CABLES1: variants seen among roughly 807,000 people sequenced by gnomAD.
CABLES1 encodes Cdk5 and Abl enzyme substrate 1.
A neutral mutation model predicts 57.8 loss-of-function variants in CABLES1; 36 were observed. That is an observed-to-expected ratio of 0.62 (90% CI 0.48 to 0.82). CABLES1 has a LOEUF of 0.82. Ranked by LOEUF, CABLES1 falls within the 40% of genes least tolerant of loss-of-function variation. The pLI, the probability that CABLES1 is intolerant of heterozygous loss-of-function variation, is 0.00. For missense variants in CABLES1, 767 were observed against 836.6 expected, an observed-to-expected ratio of 0.92 and a Z score of 1.03; for synonymous variants, 374 against 363.0, an observed-to-expected ratio of 1.03 and a Z score of -0.35.
intron 1 of CABLES1, among the ~76,000 whole-genome samples, chr18:23,188,543 T>TTGTGTGTGTGTGTGTG (rs55888102): frequency 0.014 from 2,158 of 149,038 alleles, 55 homozygotes; most frequent in African/African-American, 0.046. Context: ...CACCTTGTCT[T>TTGTGTGTGTGTGTGTG]TGTGTGTGTG....
At chr18:23,220,965 GA>G (rs1301615769) in intron 4 of CABLES1, among the ~76,000 whole-genome samples, 1 of 152,218 alleles carries the variant, frequency 6.6e-6, no homozygotes, top group Non-Finnish European at 1.5e-5. Flanking sequence ...GCTCTCTGCA[GA>G]GGTGTGGGTG....
At chr18:23,237,008 C>T (rs946425366) in intron 6 of CABLES1, 134 bp from the exon 7 acceptor site, 2 of 655,960 alleles carry the variant, frequency 3.0e-6, no homozygotes, top group Non-Finnish European at 5.7e-6. Context: ...TCAGTGAGTG[C>T]CGTGACGTTG....
At chr18:23,162,240 G>C (rs1191809332) in intron 1 of CABLES1, among the ~76,000 whole-genome samples, 1 of 152,002 alleles carries the variant, frequency 6.6e-6, no homozygotes, top group East Asian at 1.9e-4. Context: ...AGGCATAAAG[G>C]CCTACAATTT....
rs796149753 is a variant in CABLES1 at position 23,253,591 on chromosome 18, C to T, written c.1554-138C>T. The T allele has an allele frequency of 7.0e-6, 5 of 710,856 alleles. No homozygotes were observed. The African/African-American group carries it at 8.9e-5, about 13-fold the overall frequency. The allele number at this position is 710,856 out of a possible 1,614,324, so 44.0% of individuals were successfully genotyped here. On this transcript the variant is annotated intron_variant, in intron 8 of 9. Transcript: ENST00000256925. ...CCCCATGCATAACGCAGCCTTCACA[C>T]TCCCAGGGACTTAATCCCAGTCCAG...
chr18:23,183,224 A>G (rs1351789002), intron 1 of CABLES1, among the ~76,000 whole-genome samples: 1 of 152,206 alleles, frequency 6.6e-6, no homozygotes, highest in East Asian at 1.9e-4. Flanking sequence ...TTGTCACTCC[A>G]GCCACAGGTT....
Position 23,257,417 on chromosome 18 carries a change from C to T in CABLES1, c.*50C>T. 1 of 1,530,570 alleles carries T rather than the reference C, an allele frequency of 6.5e-7. No individual in the cohort carries two copies. Among genetic ancestry groups the T allele is most frequent in the Non-Finnish European group, 8.8e-7 (1 of 1,142,362 alleles). 94.8% of individuals were successfully genotyped at this position (1,530,570 alleles called of 1,614,324 possible). A position where few individuals can be genotyped will look rare whatever the true frequency, so the allele number is the denominator to read the frequency against. ...GCCATTTCTTCTCAGCTTGGTGGAG[C>T]AGCACTTACTTACTACTGGAAATGA... On this transcript the variant is annotated 3_prime_UTR_variant, in exon 10 of 10. Coordinates refer to ENST00000256925, the MANE Select transcript of CABLES1 (RefSeq NM_001100619.3).
chr18:23,169,477 T>A (rs955160671), intron 1 of CABLES1, among the ~76,000 whole-genome samples: 1 of 152,186 alleles, frequency 6.6e-6, no homozygotes, highest in Non-Finnish European at 1.5e-5. Flanking sequence ...GCTATTATGG[T>A]TAAACATATG....
intron 7 of CABLES1, among the ~76,000 whole-genome samples, chr18:23,241,584 C>G (rs1330495947): frequency 6.6e-6 from 1 of 152,174 alleles, no homozygotes; most frequent in Non-Finnish European, 1.5e-5. Context: ...GTTTGTTTAT[C>G]CCTCCTCCTG....
intron 1 of CABLES1, among the ~76,000 whole-genome samples, chr18:23,174,075 GA>G (rs1362199171): frequency 6.6e-6 from 1 of 152,126 alleles, no homozygotes; most frequent in Non-Finnish European, 1.5e-5. Flanking sequence ...CCCTCAAAAA[GA>G]AATCCCATGG....
At chr18:23,152,727 C>T (rs1274867716) in intron 1 of CABLES1, among the ~76,000 whole-genome samples, 3 of 151,920 alleles carry the variant, frequency 2.0e-5, no homozygotes, top group Non-Finnish European at 4.4e-5. Flanking sequence ...TCAAGTGATC[C>T]GCCTGGCTCG....
intron 1 of CABLES1, among the ~76,000 whole-genome samples, chr18:23,182,012 G>A (rs950768104): frequency 6.6e-6 from 1 of 152,136 alleles, no homozygotes; most frequent in South Asian, 2.1e-4. Context: ...CCATCCAGTG[G>A]CCCAGCGTGC....
intron 1 of CABLES1, among the ~76,000 whole-genome samples, chr18:23,146,665 ATTTG>A (rs1400896790): frequency 1.3e-5 from 2 of 152,202 alleles, no homozygotes; most frequent in African/African-American, 4.8e-5. Context: ...AGTTCTGTTT[ATTTG>A]TTTGATGCTT....
intron 1 of CABLES1, among the ~76,000 whole-genome samples, chr18:23,180,381 T>TCCC (rs1166167992): frequency 6.6e-6 from 1 of 152,180 alleles, no homozygotes; most frequent in Admixed American, 6.6e-5. Flanking sequence ...GTCAACAGCT[T>TCCC]AAGATGCTGC....
In CABLES1 at chr18:23,135,658, C is replaced by A. The variant is rs936857727; in HGVS notation, c.-105C>A. Reference sequence around the variant, plus strand: ...ACCGCCGCGCACGCCGCCCGATCCCCGCGCCCTACCCAGCCCGGGTCGCCG... The same window carrying A: ...ACCGCCGCGCACGCCGCCCGATCCCAGCGCCCTACCCAGCCCGGGTCGCCG... On this transcript the variant is annotated 5_prime_UTR_variant, in exon 1 of 10. Transcript: ENST00000256925. 2.3e-5 allele frequency: 22 copies of A among 954,292 alleles called. No individual in the cohort carries two copies. The African/African-American group carries it at 2.3e-4, about 10-fold the overall frequency. The allele number at this position is 954,292 out of a possible 1,614,324, so 59.1% of individuals were successfully genotyped here.
intron 1 of CABLES1, among the ~76,000 whole-genome samples, chr18:23,184,943 A>T (rs1202156066): frequency 6.6e-6 from 1 of 151,958 alleles, no homozygotes; most frequent in African/African-American, 2.4e-5. Context: ...CTTCCCACAG[A>T]CCCCACCACC....
Position 23,189,090 on chromosome 18 carries a change from C to T in CABLES1, c.917+181C>T, listed in dbSNP as rs751105179. On this transcript the variant is annotated intron_variant, in intron 2 of 9. Transcript: ENST00000256925. Reference sequence around the variant, plus strand: ...TCTGAAGACCACTAGAACTAAACAACGTTAAATCCAATTAGGTGTTGGAGT... The same window carrying T: ...TCTGAAGACCACTAGAACTAAACAATGTTAAATCCAATTAGGTGTTGGAGT... 1.1e-5 allele frequency: 6 copies of T among 541,818 alleles called. No homozygotes were observed. The South Asian group carries it at 1.2e-4, about 11-fold the overall frequency. 33.6% of individuals were successfully genotyped at this position (541,818 alleles called of 1,614,324 possible).
intron 1 of CABLES1, among the ~76,000 whole-genome samples, chr18:23,174,809 T>C (rs1423053153): frequency 7.5e-6 from 1 of 133,934 alleles, no homozygotes; most frequent in Non-Finnish European, 1.6e-5. Flanking sequence ...TGTATGTATA[T>C]ACATGTTACA....
At chr18:23,148,235 C>T (rs1156503577) in intron 1 of CABLES1, among the ~76,000 whole-genome samples, 6 of 152,004 alleles carry the variant, frequency 3.9e-5, no homozygotes, top group Non-Finnish European at 5.9e-5. Context: ...ATGATCCACC[C>T]GCCTCAGCCT....
intron 1 of CABLES1, among the ~76,000 whole-genome samples, chr18:23,142,546 G>T (rs2046864141): frequency 1.3e-5 from 2 of 152,246 alleles, no homozygotes; most frequent in African/African-American, 4.8e-5. Context: ...TGACCAGGGG[G>T]TGACTTAGGT....
Sources: gnomAD v4.1 joint callset for allele counts (sites outside exome capture counted in the v4.1 genomes callset) on GRCh38, gnomAD v4.1.1 for gene constraint, MANE v1.5 for transcripts, NCBI Gene and HGNC (gene_info 2026-07-23, HGNC 2026-07-21) for gene names.